The following ANKS1B variants were observed in gnomAD, a reference collection of about 807,000 sequenced individuals.
ANKS1B encodes ankyrin repeat and sterile alpha motif domain-containing protein 1B.
ANKS1B carries 36 observed loss-of-function variants against 148.3 expected under a neutral mutation model. The ratio of observed to expected loss-of-function variants is 0.24; its 90% CI spans 0.19 to 0.32. The LOEUF is 0.32. Ranked by LOEUF, ANKS1B falls within the 10% of genes least tolerant of loss-of-function variation. The pLI is 1.00. For missense variants in ANKS1B, 1,157 were observed against 1,542.6 expected (o/e 0.75, Z 4.19); for synonymous variants, 542 against 560.8 (o/e 0.97, Z 0.47).
intron 1 of ANKS1B, among the ~76,000 whole-genome samples, chr12:99,868,815 T>C (rs972393115): frequency 3.3e-5 from 5 of 152,130 alleles, no homozygotes; most frequent in African/African-American, 1.2e-4. Context: ...CCCAGCATTT[T>C]GGGAGGCCGA....
chr12:99,635,868 C>T (rs910958236), intron 9 of ANKS1B, among the ~76,000 whole-genome samples: 2 of 151,848 alleles, frequency 1.3e-5, no homozygotes, highest in African/African-American at 4.8e-5. Context: ...GACAACTGAT[C>T]ATTAATTTGG....
At chr12:99,223,301 C>T (rs998891213) in intron 14 of ANKS1B, among the ~76,000 whole-genome samples, 7 of 152,230 alleles carry the variant, frequency 4.6e-5, no homozygotes, top group Non-Finnish European at 7.4e-5. Flanking sequence ...ATGGGCAGGG[C>T]CCAGGGTGGA....
chr12:99,498,578 C>T (rs1230136852), intron 10 of ANKS1B, among the ~76,000 whole-genome samples: 1 of 152,172 alleles, frequency 6.6e-6, no homozygotes, highest in African/African-American at 2.4e-5. Context: ...TTATCTTGTT[C>T]ATTGCCCTTA....
intron 15 of ANKS1B, chr12:99,096,948 T>A (rs2056381855): frequency 6.6e-6 from 1 of 152,194 alleles, no homozygotes; most frequent in African/African-American, 2.4e-5. Flanking sequence ...AAAGAGGTGA[T>A]AAACAGCTAT....
At chr12:99,650,163 T>C (rs564443542) in intron 9 of ANKS1B, 67 of 152,346 alleles carry the variant, frequency 4.4e-4, no homozygotes, top group African/African-American at 1.5e-3. Flanking sequence ...CTTTATATTT[T>C]TTAAATAAAT....
At chr12:99,816,988 G>A (rs1011872391) in intron 2 of ANKS1B, among the ~76,000 whole-genome samples, 3 of 151,342 alleles carry the variant, frequency 2.0e-5, no homozygotes, top group African/African-American at 4.8e-5. Flanking sequence ...GGATAATTGG[G>A]GTATCCATTA....
intron 17 of ANKS1B, among the ~76,000 whole-genome samples, chr12:98,941,320 C>T (rs1375570992): frequency 1.3e-5 from 2 of 152,180 alleles, no homozygotes; most frequent in Non-Finnish European, 1.5e-5. Context: ...GCTTCAGCTC[C>T]ATGCTGCAGG....
At chr12:99,778,270 G>A (rs2063890641) in intron 6 of ANKS1B, among the ~76,000 whole-genome samples, 1 of 151,996 alleles carries the variant, frequency 6.6e-6, no homozygotes, top group Non-Finnish European at 1.5e-5. Flanking sequence ...CACTTTAAGA[G>A]GCCAAGGTGG....
intron 8 of ANKS1B, 81 bp downstream of exon 8, chr12:99,772,841 C>A (rs920567889): frequency 3.7e-5 from 50 of 1,346,514 alleles, no homozygotes; most frequent in Middle Eastern, 3.8e-4. Flanking sequence ...TGATAATGCA[C>A]CACATCCCAT....
intron 5 of ANKS1B, among the ~76,000 whole-genome samples, chr12:99,781,506 T>G (rs2064324954): frequency 6.6e-6 from 1 of 152,150 alleles, no homozygotes; most frequent in Non-Finnish European, 1.5e-5. Flanking sequence ...TTCAAAGCAC[T>G]CCCTTTAAAA....
intron 10 of ANKS1B, among the ~76,000 whole-genome samples, chr12:99,457,923 T>G (rs2095873928): frequency 2.0e-5 from 3 of 151,888 alleles, no homozygotes; most frequent in Non-Finnish European, 2.9e-5. Context: ...AAACGGATAT[T>G]TACAGAACAG....
intron 9 of ANKS1B, among the ~76,000 whole-genome samples, chr12:99,562,407 G>T (rs1042457998): frequency 1.3e-5 from 2 of 152,186 alleles, no homozygotes; most frequent in Non-Finnish European, 2.9e-5. Context: ...CACCTCTCTA[G>T]CTATGAAAGT....
At chr12:99,141,017 G>A (rs1194400333) in intron 15 of ANKS1B, among the ~76,000 whole-genome samples, 4 of 152,052 alleles carry the variant, frequency 2.6e-5, no homozygotes, top group African/African-American at 9.7e-5. Flanking sequence ...CTTCCCTCCT[G>A]TTATCACAGG....
At chr12:99,564,987 A>G (rs2097373668) in intron 9 of ANKS1B, among the ~76,000 whole-genome samples, 1 of 152,200 alleles carries the variant, frequency 6.6e-6, no homozygotes. Flanking sequence ...AGAGTTGTTC[A>G]TTCTGGAAAA....
intron 14 of ANKS1B, among the ~76,000 whole-genome samples, chr12:99,188,161 T>C (rs975547153): frequency 2.6e-5 from 4 of 152,190 alleles, no homozygotes; most frequent in African/African-American, 9.7e-5. Context: ...TAAATATATA[T>C]GCACTCAATA....
At chr12:98,931,159 T>C (rs1371153385) in intron 17 of ANKS1B, among the ~76,000 whole-genome samples, 1 of 152,136 alleles carries the variant, frequency 6.6e-6, no homozygotes, top group African/African-American at 2.4e-5. Flanking sequence ...TGGACACTGG[T>C]GACTTGAGTT....
chr12:99,655,175 T>C lies in ANKS1B; in HGVS notation c.1164A>G (p.Glu388=), dbSNP rs1201745252. 1.9e-6 allele frequency: 3 copies of C among 1,611,998 alleles called. No individual in the cohort carries two copies. The Admixed American group carries it at 5.0e-5, about 27-fold the overall frequency. Residue 388 remains glutamate, a synonymous_variant, in exon 9 of 27, where the codon GAA becomes GAG. Transcript: ENST00000683438. ...TTTCATCATCATCCTCTTCTTCCAC[T>C]TCTCCTGGTGACAAATTGATTGTAG... ...TSSTINLSPG[E]VEEEDDDENT...
At chr12:99,171,247 A>C (rs1334229520) in intron 14 of ANKS1B, among the ~76,000 whole-genome samples, 1 of 152,228 alleles carries the variant, frequency 6.6e-6, no homozygotes, top group Admixed American at 6.5e-5. Flanking sequence ...TATAAACTAC[A>C]TGTCCTTCTT....
chr12:99,191,531 C>T (rs7963976), intron 14 of ANKS1B, among the ~76,000 whole-genome samples: 10,269 of 152,186 alleles, frequency 0.067, 733 homozygotes, highest in African/African-American at 0.18. Context: ...AGGATGAGTT[C>T]ATGTCCTTTG....
Sources: allele counts gnomAD v4.1 joint callset (sites outside exome capture counted in the v4.1 genomes callset), GRCh38; gene constraint gnomAD v4.1.1; transcripts MANE v1.5; gene names NCBI Gene and HGNC (gene_info 2026-07-23, HGNC 2026-07-21).